OXR1: variants seen among roughly 807,000 people sequenced by gnomAD.
OXR1 encodes oxidation resistance protein 1.
Under a neutral mutation model 104.6 loss-of-function variants are expected in OXR1, and 41 were observed. The ratio of observed to expected loss-of-function variants is 0.39; its 90% CI spans 0.31 to 0.51. The LOEUF is 0.51. OXR1 is among the 20% of genes least tolerant of loss of function. The probability of loss-of-function intolerance (pLI) is 0.77; values close to 1 mark genes in which losing one functional copy is unlikely to be tolerated. For missense variants in OXR1, 955 were observed against 1,031.9 expected, an observed-to-expected ratio of 0.93 and a Z score of 1.02; for synonymous variants, 348 against 348.4, an observed-to-expected ratio of 1.00 and a Z score of 0.01.
At chr8:106,628,793 T>G (rs549453439) in intron 3 of OXR1, among the ~76,000 whole-genome samples, 1 of 152,324 alleles carries the variant, frequency 6.6e-6, no homozygotes, top group African/African-American at 2.4e-5. Context: ...ACTTCACGTA[T>G]GCAGCACTGT....
chr8:106,377,829 T>C (rs1036393125), intron 2 of OXR1, among the ~76,000 whole-genome samples: 1 of 152,236 alleles, frequency 6.6e-6, no homozygotes, highest in Non-Finnish European at 1.5e-5. Context: ...ATGATTTCTA[T>C]ACCCTTTAAC....
intron 1 of OXR1, among the ~76,000 whole-genome samples, chr8:106,275,783 C>G (rs1016083110): frequency 1.3e-5 from 2 of 151,302 alleles, no homozygotes; most frequent in Non-Finnish European, 2.9e-5. Flanking sequence ...TCAGGAGCAA[C>G]AACAAACACA....
intron 1 of OXR1, among the ~76,000 whole-genome samples, chr8:106,314,672 A>T (rs7013315): frequency 6.6e-6 from 1 of 152,040 alleles, no homozygotes; most frequent in African/African-American, 2.4e-5. Flanking sequence ...CCAGGGTCCC[A>T]TGGCTGGTAA....
At chr8:106,283,391 A>G (rs1217275239) in intron 1 of OXR1, among the ~76,000 whole-genome samples, 1 of 152,144 alleles carries the variant, frequency 6.6e-6, no homozygotes, top group Non-Finnish European at 1.5e-5. Context: ...GTTGGGTTCA[A>G]CCTCATGTGT....
chr8:106,372,317 C>T (rs1384404079), intron 2 of OXR1, among the ~76,000 whole-genome samples: 1 of 152,204 alleles, frequency 6.6e-6, no homozygotes, highest in Non-Finnish European at 1.5e-5. Context: ...GTTCTTCCTT[C>T]TCTCTGTGAG....
intron 2 of OXR1, among the ~76,000 whole-genome samples, chr8:106,467,152 A>C (rs907165936): frequency 6.6e-6 from 1 of 151,940 alleles, no homozygotes; most frequent in Non-Finnish European, 1.5e-5. Flanking sequence ...TTGAGAGATG[A>C]GATGACCAAG....
At chr8:106,336,061 A>C (rs1814950230) in intron 1 of OXR1, among the ~76,000 whole-genome samples, 1 of 152,212 alleles carries the variant, frequency 6.6e-6, no homozygotes, top group Non-Finnish European at 1.5e-5. Context: ...ATGCCACTGC[A>C]CTCCAGTCTG....
intron 7 of OXR1, among the ~76,000 whole-genome samples, chr8:106,699,846 A>ATTAT (rs1035798400): frequency 1.3e-5 from 2 of 152,156 alleles, no homozygotes; most frequent in African/African-American, 4.8e-5. Flanking sequence ...TATACAAAAG[A>ATTAT]TTATTTATGT....
rs769445547 is a variant in OXR1, at chr8:106,706,653, G to C, written c.1132G>C (p.Val378Leu). 11 of 1,613,636 alleles carry C rather than the reference G, an allele frequency of 6.8e-6. No individual in the cohort carries two copies. The highest frequency in any genetic ancestry group is 9.3e-6 in the Non-Finnish European group (11 of 1,179,846). Residue 378 changes from valine (V) to leucine (L), a missense_variant, in exon 9 of 17, where the codon GTA becomes CTA. Physicochemically the swap from Val to Leu is conservative, Grantham distance 32. This residue lies in a region of OXR1 where 849 missense variants were observed against 852.9 expected (regional missense o/e 1.00). Coordinates refer to ENST00000517566, the MANE Select transcript of OXR1 (RefSeq NM_001198533.2). ...TGTGCAAACTGTCAATCAGGCTGAA[G>C]TAGAAAGTCTGACAGTCAAATCAGA... ...ESVQTVNQAE[V>L]ESLTVKSEST...
intron 3 of OXR1, 145 bp downstream of exon 3, chr8:106,519,284 G>A: frequency 1.6e-6 from 1 of 639,272 alleles, no homozygotes; most frequent in South Asian, 2.1e-5. Flanking sequence ...TTCTTATGTG[G>A]TCTGAACATA....
chr8:106,561,486 T>A (rs1170350422), intron 3 of OXR1, among the ~76,000 whole-genome samples: 1 of 152,154 alleles, frequency 6.6e-6, no homozygotes, highest in Non-Finnish European at 1.5e-5. Context: ...CAGGGGCTTA[T>A]AGATAAAACT....
At chr8:106,340,781 A>G (rs1388055004) in intron 1 of OXR1, among the ~76,000 whole-genome samples, 1 of 152,172 alleles carries the variant, frequency 6.6e-6, no homozygotes, top group Non-Finnish European at 1.5e-5. Context: ...GGAATAGAAA[A>G]CCACCAAGGA....
intron 2 of OXR1, among the ~76,000 whole-genome samples, chr8:106,405,174 A>AG (rs1174077859): frequency 0.029 from 1,128 of 39,330 alleles, 7 homozygotes; most frequent in African/African-American, 0.041. Context: ...ATATATATAT[A>AG]TATATATATA....
At chr8:106,539,002 A>C (rs1458558370) in intron 3 of OXR1, among the ~76,000 whole-genome samples, 1 of 152,192 alleles carries the variant, frequency 6.6e-6, no homozygotes, top group Non-Finnish European at 1.5e-5. Context: ...GTAAAGGGGT[A>C]GAGTAAGGCT....
At chr8:106,466,744 C>T (rs1301765127) in intron 2 of OXR1, among the ~76,000 whole-genome samples, 3 of 151,740 alleles carry the variant, frequency 2.0e-5, no homozygotes, top group Non-Finnish European at 2.9e-5. Context: ...CACAGTGTTG[C>T]GTCATGGAAG....
intron 1 of OXR1, among the ~76,000 whole-genome samples, chr8:106,312,161 AAT>A (rs1813732165): frequency 6.6e-6 from 1 of 152,196 alleles, no homozygotes; most frequent in Non-Finnish European, 1.5e-5. Context: ...ATTTGAATTA[AAT>A]ATGTCTTGAA....
intron 3 of OXR1, among the ~76,000 whole-genome samples, chr8:106,654,189 T>C (rs1159278889): frequency 1.3e-5 from 2 of 152,028 alleles, no homozygotes; most frequent in African/African-American, 4.8e-5. Flanking sequence ...TTTGAAGAAA[T>C]TGACAAGGTA....
intron 3 of OXR1, among the ~76,000 whole-genome samples, chr8:106,568,007 T>C (rs1053000203): frequency 1.3e-5 from 2 of 152,158 alleles, no homozygotes; most frequent in Non-Finnish European, 2.9e-5. Flanking sequence ...TTTCTTAGCC[T>C]TCCAGAGTCT....
At chr8:106,651,515 T>C (rs994834169) in intron 3 of OXR1, among the ~76,000 whole-genome samples, 1 of 152,200 alleles carries the variant, frequency 6.6e-6, no homozygotes, top group African/African-American at 2.4e-5. Context: ...TTGAAGCCAC[T>C]ATTTTTCCCC....
Sources: allele counts gnomAD v4.1 joint callset (sites outside exome capture counted in the v4.1 genomes callset), GRCh38; gene constraint gnomAD v4.1.1; regional missense constraint gnomAD v4.1.1; transcripts MANE v1.5; gene names NCBI Gene and HGNC (gene_info 2026-07-23, HGNC 2026-07-21).